The following IRAK3 variants were observed in gnomAD, a reference collection of about 807,000 sequenced individuals.
IRAK3 encodes interleukin-1 receptor-associated kinase 3.
In IRAK3, 57 loss-of-function variants were observed where a neutral mutation model predicts 56.6. That is an observed-to-expected ratio of 1.01 (90% confidence interval 0.81 to 1.26). IRAK3 has a LOEUF of 1.26. Among genes scored for constraint, IRAK3 ranks in the 50% most tolerant of loss-of-function variants. IRAK3 has a pLI of 0.00. For synonymous variants in IRAK3, 258 were observed against 255.7 expected (o/e 1.01, Z -0.09); for missense variants, 703 against 719.0 (o/e 0.98, Z 0.25).
In IRAK3 at chr12:66,248,881, C is replaced by T. The variant is rs948806367; in HGVS notation, c.*710C>T. On this transcript the variant is annotated 3_prime_UTR_variant, in exon 12 of 12. Transcript: ENST00000261233. The stretch of plus-strand genomic sequence containing the variant: ...TCTTAAGGAGACTATGTGAAATGTC[C>T]ATCAAGTAATTTTTATTCCTGAGAA... 2 of 152,250 alleles carry T rather than the reference C, an allele frequency of 1.3e-5. No homozygotes were observed. Among genetic ancestry groups the T allele is most frequent in the South Asian group, 4.2e-4 (2 of 4,818 alleles). 9.4% of individuals were successfully genotyped at this position (152,250 alleles called of 1,614,324 possible).
chr12:66,254,563 T>A lies in IRAK3; in HGVS notation c.*6392T>A, dbSNP rs868622816. 6 of 152,122 alleles carry A rather than the reference T, an allele frequency of 3.9e-5. No homozygotes were observed. Among genetic ancestry groups the A allele is most frequent in the African/African-American group, 1.4e-4 (6 of 41,438 alleles). 9.4% of individuals were successfully genotyped at this position (152,122 alleles called of 1,614,324 possible). On this transcript the variant is annotated 3_prime_UTR_variant, in exon 12 of 12. Coordinates refer to ENST00000261233, the MANE Select transcript of IRAK3 (RefSeq NM_007199.3). ...CTTCAGACTCATGTGTGTTTGAAAC[T>A]TTTTATAATGAACATATATCATTTT...
intron 8 of IRAK3, among the ~76,000 whole-genome samples, chr12:66,239,298 A>ACTT (rs1555205066): frequency 6.1e-5 from 2 of 32,632 alleles, no homozygotes; most frequent in Non-Finnish European, 2.0e-4. Flanking sequence ...TTCAAAATGG[A>ACTT]CTTTTTTTTT....
At position 66,203,738 on chromosome 12, in the gene IRAK3, A is replaced by T. The variant is rs751514791; in HGVS notation, c.161A>T (p.Asp54Val). 1.3e-5 allele frequency: 21 copies of T among 1,614,106 alleles called. No individual in the cohort carries two copies. Among genetic ancestry groups the T allele is most frequent in the Non-Finnish European group, 1.7e-5 (20 of 1,179,994 alleles). The change falls in exon 2 of 12, where the codon GAT becomes GTT. Residue 54 changes from aspartate (D) to valine (V), a missense_variant. Asp to Val is a radical substitution (Grantham distance 152). Transcript: ENST00000261233. ...GAGAGACTTTCAAGCAGCTGGCTGGATGTTCGTCATATTGAAAAGTATGTA... is the reference window on the plus strand; with the variant it reads ...GAGAGACTTTCAAGCAGCTGGCTGGTTGTTCGTCATATTGAAAAGTATGTA... ...LAERLSSSWLDVRHIEKYVDQ... is the reference protein window; with the variant it reads ...LAERLSSSWLVVRHIEKYVDQ...
intron 7 of IRAK3, among the ~76,000 whole-genome samples, chr12:66,227,939 T>A (rs2052804937): frequency 6.6e-6 from 1 of 152,216 alleles, no homozygotes; most frequent in South Asian, 2.1e-4. Flanking sequence ...CATACTGTTG[T>A]ACCACAAGTA....
At chr12:66,200,799 C>G (rs781235221) in intron 1 of IRAK3, among the ~76,000 whole-genome samples, 11 of 152,096 alleles carry the variant, frequency 7.2e-5, no homozygotes, top group Admixed American at 2.6e-4. Flanking sequence ...CCTTTGGACT[C>G]TAAAACAGAC....
chr12:66,191,108 A>C (rs2052394853), intron 1 of IRAK3, among the ~76,000 whole-genome samples: 1 of 151,462 alleles, frequency 6.6e-6, no homozygotes, highest in Non-Finnish European at 1.5e-5. Context: ...CAGAGGATGG[A>C]GGAGGGTGGG....
chr12:66,223,347 G>A (rs571634082), intron 6 of IRAK3, among the ~76,000 whole-genome samples: 2 of 152,130 alleles, frequency 1.3e-5, no homozygotes, highest in East Asian at 3.9e-4. Context: ...TTATGTTATA[G>A]TTTTTGCCAT....
At chr12:66,190,704 CTG>C (rs1425013031) in intron 1 of IRAK3, among the ~76,000 whole-genome samples, 1 of 152,194 alleles carries the variant, frequency 6.6e-6, no homozygotes, top group Non-Finnish European at 1.5e-5. Flanking sequence ...TCCAATTACT[CTG>C]TGAGTCATTA....
At position 66,234,115 on chromosome 12, in the gene IRAK3, C is replaced by T. The variant is rs528323994; in HGVS notation, c.887+5745C>T. The T allele has an allele frequency of 8.7e-6, 14 of 1,614,170 alleles. No homozygotes were observed. The South Asian group carries it at 9.9e-5, about 11-fold the overall frequency. On this transcript the variant is annotated intron_variant, in intron 8 of 11. Coordinates refer to ENST00000261233, the MANE Select transcript of IRAK3 (RefSeq NM_007199.3). The stretch of plus-strand genomic sequence containing the variant: ...AGGTATATGGAGAATGGTCATTAGA[C>T]GTCTCGACAGCCACCTGCTGTTGAC...
chr12:66,191,232 T>C (rs1386600409), intron 1 of IRAK3, among the ~76,000 whole-genome samples: 1 of 152,152 alleles, frequency 6.6e-6, no homozygotes, highest in African/African-American at 2.4e-5. Flanking sequence ...TAATTGGCTT[T>C]CTCTGGTTGG....
At chr12:66,238,836 T>C (rs2052934697) in intron 8 of IRAK3, among the ~76,000 whole-genome samples, 1 of 152,174 alleles carries the variant, frequency 6.6e-6, no homozygotes, top group Admixed American at 6.6e-5. Flanking sequence ...GAGAATGTTA[T>C]AAAAACAAAA....
rs187591829 is a variant in IRAK3 at position 66,201,479 on chromosome 12, C to T, written c.134-2232C>T. Among the ~76,000 whole-genome samples, 21 of 152,272 alleles carry T rather than the reference C, an allele frequency of 1.4e-4. 1 individual carries two copies. Among genetic ancestry groups the T allele is most frequent in the Admixed American group, 1.4e-3 (21 of 15,296 alleles). Reference sequence around the variant, plus strand: ...GGATGGTGCCATCACCACCAAAAGCCCAAAACACATTGTTAATTTTAGTGC... The same window carrying T: ...GGATGGTGCCATCACCACCAAAAGCTCAAAACACATTGTTAATTTTAGTGC... On this transcript the variant is annotated intron_variant, in intron 1 of 11. Transcript: ENST00000261233.
rs2053089202 is a variant in IRAK3 at position 66,250,614 on chromosome 12, A to T, written c.*2443A>T. 6.6e-6 allele frequency: 1 copy of T among 152,236 alleles called. No individual in the cohort carries two copies. Among genetic ancestry groups the T allele is most frequent in the Non-Finnish European group, 1.5e-5 (1 of 68,060 alleles). The allele number at this position is 152,236 out of a possible 1,614,324, so 9.4% of individuals were successfully genotyped here. A position where few individuals can be genotyped will look rare whatever the true frequency, so the allele number is the denominator to read the frequency against. On this transcript the variant is annotated 3_prime_UTR_variant, in exon 12 of 12. Transcript: ENST00000261233. ...ATCATCAAGAATTGACTCTGTGTTA[A>T]ACTGTTTTTCACTTAGAATATGGAC...
intron 1 of IRAK3, among the ~76,000 whole-genome samples, chr12:66,195,556 CT>C (rs961606553): frequency 6.6e-6 from 1 of 152,190 alleles, no homozygotes; most frequent in African/African-American, 2.4e-5. Flanking sequence ...CTCCTTGTTC[CT>C]TGAACACGCA....
intron 5 of IRAK3, among the ~76,000 whole-genome samples, chr12:66,216,468 A>C (rs2052678022): frequency 6.6e-6 from 1 of 152,206 alleles, no homozygotes; most frequent in African/African-American, 2.4e-5. Flanking sequence ...CAAATGATAG[A>C]ACGTTACAAC....
Position 66,244,500 on chromosome 12 carries a change from T to C in IRAK3, c.902T>C (p.Leu301Ser). 6.2e-7 allele frequency: 1 copy of C among 1,614,006 alleles called. No individual in the cohort carries two copies. The highest frequency in any genetic ancestry group is 1.1e-5 in the South Asian group (1 of 91,082). The change falls in exon 9 of 12, where the codon TTG (leucine) becomes TCG (serine). Residue 301 changes from leucine to serine, a missense_variant. By Grantham distance (145) the Leu-to-Ser change is moderately radical. Coordinates refer to ENST00000261233, the MANE Select transcript of IRAK3 (RefSeq NM_007199.3). The part of the protein sequence containing the change: ...CGSISSANIL[L>S]DDQFQPKLTD... ...CACAATTTTAGTGCAAACATCCTTT[T>C]GGATGATCAGTTTCAACCCAAACTA... is the stretch of plus-strand genomic sequence containing the variant.
intron 1 of IRAK3, among the ~76,000 whole-genome samples, chr12:66,192,332 C>G (rs1464984746): frequency 1.3e-5 from 2 of 152,098 alleles, no homozygotes; most frequent in East Asian, 3.9e-4. Context: ...ATAATATATT[C>G]TGTGGTTATC....
Position 66,228,356 on chromosome 12 carries a change from T to C in IRAK3, c.873T>C (p.Cys291=). The C allele has an allele frequency of 1.2e-6, 2 of 1,612,122 alleles. No homozygotes were observed. The highest frequency in any genetic ancestry group is 1.7e-6 in the Non-Finnish European group (2 of 1,178,174). ...LHNVQPCSVI[C]GSISSANILL... ...ACGTTCAACCATGCTCGGTCATCTGTGGCAGTATATCAAGGTAAATTATTC... is the reference window on the plus strand; with the variant it reads ...ACGTTCAACCATGCTCGGTCATCTGCGGCAGTATATCAAGGTAAATTATTC... Residue 291 remains cysteine (C), a synonymous_variant, in exon 8 of 12, where the codon TGT becomes TGC. Coordinates refer to ENST00000261233, the MANE Select transcript of IRAK3 (RefSeq NM_007199.3).
At position 66,228,364 on chromosome 12, in the gene IRAK3, T is replaced by C. The variant is rs146977649; in HGVS notation, c.881T>C (p.Ile294Thr). The C allele has an allele frequency of 1.9e-6, 3 of 1,609,586 alleles. No homozygotes were observed. The highest frequency in any genetic ancestry group is 1.3e-5 in the African/African-American group (1 of 74,808). ...VQPCSVICGS[I>T]SSANILLDDQ... ...CCATGCTCGGTCATCTGTGGCAGTA[T>C]ATCAAGGTAAATTATTCCAGAGCTT... Residue 294 changes from isoleucine to threonine, a missense_variant, in exon 8 of 12, where the codon ATA becomes ACA. Ile to Thr is a moderately conservative substitution (Grantham distance 89). Transcript: ENST00000261233.
Sources: gnomAD v4.1 joint callset for allele counts (sites outside exome capture counted in the v4.1 genomes callset) on GRCh38, gnomAD v4.1.1 for gene constraint, MANE v1.5 for transcripts, NCBI Gene and HGNC (gene_info 2026-07-23, HGNC 2026-07-21) for gene names.